The following NTNG2 variants were observed in gnomAD, a reference collection of about 807,000 sequenced individuals.
NTNG2 encodes the protein netrin-G2.
NTNG2 carries 15 observed loss-of-function variants against 47.6 expected under a neutral mutation model. That is an observed-to-expected ratio of 0.32 (90% CI 0.21 to 0.49). NTNG2 has a LOEUF of 0.49. Ranked by LOEUF, NTNG2 falls within the 20% of genes least tolerant of loss-of-function variation. The pLI, the probability that NTNG2 is intolerant of heterozygous loss-of-function variation, is 0.99. For missense variants in NTNG2, 578 were observed against 764.6 expected (o/e 0.76, Z 2.88); for synonymous variants, 307 against 324.6 (o/e 0.95, Z 0.58).
intron 1 of NTNG2, among the ~76,000 whole-genome samples, chr9:132,164,446 C>T (rs1158233940): frequency 6.6e-6 from 1 of 152,168 alleles, no homozygotes; most frequent in Non-Finnish European, 1.5e-5. Flanking sequence ...AGCCGCAGCC[C>T]GGCGTCCTGG....
Position 132,231,344 on chromosome 9 carries a change from C to T in NTNG2, c.1054+749C>T, listed in dbSNP as rs2130973255. ...GGTCGCCATCTGCTCTGCGAGGCAG[C>T]AGGAGAGGACTGGCCAATGTCAAAG... is the stretch of plus-strand genomic sequence containing the variant. On this transcript the variant is annotated intron_variant, in intron 5 of 7. Coordinates refer to ENST00000393229, the MANE Select transcript of NTNG2 (RefSeq NM_032536.4). This position sits in a 1 kb window ranked among gnomAD's most constrained non-coding sequence, Gnocchi z 4.1. 1 of 456,318 alleles carries T rather than the reference C, an allele frequency of 2.2e-6. No individual in the cohort carries two copies. The highest frequency in any genetic ancestry group is 1.5e-5 in the South Asian group (1 of 64,530). 28.3% of individuals were successfully genotyped at this position (456,318 alleles called of 1,614,324 possible). A position where few individuals can be genotyped will look rare whatever the true frequency, so the allele number is the denominator to read the frequency against.
chr9:132,191,143 C>T (rs1028185461), intron 2 of NTNG2, among the ~76,000 whole-genome samples: 1 of 152,092 alleles, frequency 6.6e-6, no homozygotes. Context: ...GTGAAGTGCC[C>T]AACCCAGCCC....
Position 132,162,231 on chromosome 9 carries a change from C to G in NTNG2, c.-492C>G, listed in dbSNP as rs1252614205. ...AGGTCTCCGCGCCGGGAAGCCGCTC[C>G]GAGCCGGGGTAAGGCGGGCGGGGAG... On this transcript the variant is annotated 5_prime_UTR_variant, in exon 1 of 8. Transcript: ENST00000393229. This position sits in a 1 kb window ranked among gnomAD's most constrained non-coding sequence, Gnocchi z 4.6. 1 of 152,320 alleles carries G rather than the reference C, an allele frequency of 6.6e-6. No individual in the cohort carries two copies. The highest frequency in any genetic ancestry group is 2.4e-5 in the African/African-American group (1 of 41,418). 9.4% of individuals were successfully genotyped at this position (152,320 alleles called of 1,614,324 possible).
intron 5 of NTNG2, among the ~76,000 whole-genome samples, chr9:132,237,973 G>A (rs1417130366): frequency 1.3e-5 from 2 of 152,170 alleles, no homozygotes; most frequent in African/African-American, 2.4e-5. Flanking sequence ...CATCTCTCCT[G>A]GGCACAGGCT....
chr9:132,184,293 C>T (rs572925255), intron 2 of NTNG2, among the ~76,000 whole-genome samples: 1 of 152,340 alleles, frequency 6.6e-6, no homozygotes, highest in South Asian at 2.1e-4. Context: ...GTGTCTACTC[C>T]TAAGACCTGG....
intron 2 of NTNG2, among the ~76,000 whole-genome samples, chr9:132,187,703 T>C (rs1411879555): frequency 6.6e-6 from 1 of 152,180 alleles, no homozygotes; most frequent in African/African-American, 2.4e-5. Context: ...GTTTCCGCTT[T>C]GTTAATAATT....
At chr9:132,186,952 C>T (rs1039138717) in intron 2 of NTNG2, among the ~76,000 whole-genome samples, 1 of 152,266 alleles carries the variant, frequency 6.6e-6, no homozygotes, top group African/African-American at 2.4e-5. Context: ...GAAGGAGGAA[C>T]ACTGTGGGCA....
chr9:132,167,488 A>C (rs1462049068), intron 2 of NTNG2, among the ~76,000 whole-genome samples: 1 of 152,232 alleles, frequency 6.6e-6, no homozygotes, highest in African/African-American at 2.4e-5. Context: ...CCAATCCAGC[A>C]GACGGTACCA....
intron 7 of NTNG2, 89 bp from the exon 8 acceptor site, chr9:132,241,786 CG>C: frequency 1.0e-6 from 1 of 972,672 alleles, no homozygotes; most frequent in Non-Finnish European, 1.4e-6. Flanking sequence ...ACGGCGCCCC[CG>C]GGATCTCGCA....
chr9:132,191,261 C>T (rs1187432963), intron 2 of NTNG2, among the ~76,000 whole-genome samples: 1 of 152,130 alleles, frequency 6.6e-6, no homozygotes, highest in African/African-American at 2.4e-5. Context: ...CATGCACAAG[C>T]CTGGTGGTCT....
intron 2 of NTNG2, among the ~76,000 whole-genome samples, chr9:132,181,854 AGCCTGGGCC>A (rs1234821034): frequency 3.9e-5 from 6 of 152,386 alleles, no homozygotes; most frequent in African/African-American, 1.4e-4. Context: ...TGGCACCTCC[AGCCTGGGCC>A]GCCCGGCCCG....
Position 132,218,038 on chromosome 9 carries a change from A to G in NTNG2, c.858-8811A>G, listed in dbSNP as rs1338543087. Among the ~76,000 whole-genome samples, 1 of 152,188 alleles carries G rather than the reference A, an allele frequency of 6.6e-6. No homozygotes were observed. Among genetic ancestry groups the G allele is most frequent in the Non-Finnish European group, 1.5e-5 (1 of 68,040 alleles). On this transcript the variant is annotated intron_variant, in intron 3 of 7. Transcript: ENST00000393229. The surrounding 1 kb of genome is among the most constrained non-coding windows in gnomAD (Gnocchi z 5.4). ...TGCGTGGCAGCCTGTGGCATACACAAGATATTGTTTCCCGCTCTTCAGGTG... is the reference window on the plus strand; with the variant it reads ...TGCGTGGCAGCCTGTGGCATACACAGGATATTGTTTCCCGCTCTTCAGGTG...
chr9:132,238,997 C>A (rs1022485539), intron 5 of NTNG2, 107 bp from the exon 6 acceptor site: 4 of 1,170,206 alleles, frequency 3.4e-6, no homozygotes, highest in African/African-American at 1.5e-5. Context: ...TCCAAAGATG[C>A]CTTCCTCCGT....
chr9:132,200,480 C>T (rs1036575425), intron 3 of NTNG2, among the ~76,000 whole-genome samples: 1 of 152,252 alleles, frequency 6.6e-6, no homozygotes, highest in African/African-American at 2.4e-5. Context: ...CTTGAACAGA[C>T]ATTGGCTGTA....
Position 132,167,054 on chromosome 9 carries a change from C to T in NTNG2, c.213+10C>T. ...GAGGTTCTGCTCCCATGTAAGTCCA[C>T]TTACTGCTCTTTTGTTTGCCCAGGC... is the stretch of plus-strand genomic sequence containing the variant. On this transcript the variant is annotated intron_variant, in intron 2 of 7. Transcript: ENST00000393229. 1.2e-6 allele frequency: 2 copies of T among 1,613,316 alleles called. No homozygotes were observed. Among genetic ancestry groups the T allele is most frequent in the Non-Finnish European group, 1.7e-6 (2 of 1,179,270 alleles).
chr9:132,234,376 A>G (rs1841469200), intron 5 of NTNG2, among the ~76,000 whole-genome samples: 1 of 152,172 alleles, frequency 6.6e-6, no homozygotes, highest in Non-Finnish European at 1.5e-5. Flanking sequence ...CCAGTTCCAA[A>G]GGAGCAGACC....
intron 3 of NTNG2, among the ~76,000 whole-genome samples, chr9:132,210,509 T>A (rs148912488): frequency 6.6e-6 from 1 of 152,332 alleles, no homozygotes; most frequent in Non-Finnish European, 1.5e-5. Flanking sequence ...ATAGTAGGTA[T>A]AGCCAAAGGT....
At chr9:132,193,906 A>C (rs559373928) in intron 2 of NTNG2, among the ~76,000 whole-genome samples, 1 of 152,236 alleles carries the variant, frequency 6.6e-6, no homozygotes, top group South Asian at 2.1e-4. Flanking sequence ...CCGCCTTCTC[A>C]CTGTGCCTTC....
chr9:132,229,070 C>G (rs1841003743), intron 4 of NTNG2, among the ~76,000 whole-genome samples: 1 of 152,136 alleles, frequency 6.6e-6, no homozygotes, highest in Non-Finnish European at 1.5e-5. Context: ...GACTCCTGAG[C>G]TGGCCCCACC....
Sources: gnomAD v4.1 joint callset for allele counts (sites outside exome capture counted in the v4.1 genomes callset) on GRCh38, gnomAD v4.1.1 for gene constraint, Gnocchi (gnomAD v3.1) non-coding constraint, MANE v1.5 for transcripts, NCBI Gene and HGNC (gene_info 2026-07-23, HGNC 2026-07-21) for gene names.